Variants in PTPRD observed in about 807,000 individuals in gnomAD.
PTPRD encodes protein tyrosine phosphatase receptor type D.
Under a neutral mutation model 214.5 loss-of-function variants are expected in PTPRD, and 34 were observed. That is an observed-to-expected ratio of 0.16 (90% CI 0.12 to 0.21). The LOEUF (loss-of-function observed/expected upper bound fraction) is 0.21. Ranked by LOEUF, PTPRD falls within the 10% of genes least tolerant of loss-of-function variation. The pLI is 1.00. For missense variants in PTPRD, 2,545 were observed against 2,398.7 expected (o/e 1.06, Z -1.27); for synonymous variants, 1,128 against 845.7 (o/e 1.33, Z -5.79).
chr9:9,467,608 A>AAAAAAAAAAAAAAAC (rs2094297087), intron 8 of PTPRD, among the ~76,000 whole-genome samples: 1 of 149,010 alleles, frequency 6.7e-6, no homozygotes, highest in Non-Finnish European at 1.5e-5. Context: ...AAAAAAAAAA[A>AAAAAAAAAAAAAAAC]AAGTTGAGCA....
chr9:9,922,518 T>C (rs1299991658), intron 5 of PTPRD, among the ~76,000 whole-genome samples: 1 of 152,000 alleles, frequency 6.6e-6, no homozygotes, highest in Non-Finnish European at 1.5e-5. Context: ...AATTTCAGCA[T>C]GAGTAGTTGA....
Position 8,627,867 on chromosome 9 carries a change from C to G in PTPRD, c.352+5450G>C, listed in dbSNP as rs145598283. 2.2e-3 allele frequency among the ~76,000 whole-genome samples: 327 copies of G among 151,964 alleles called. 4 individuals carry two copies. The highest frequency in any genetic ancestry group is 7.7e-3 in the African/African-American group (318 of 41,496). ...TTCTAAAGATTACACCAACGAAAGT[C>G]AGGAGCGTCTGTTCACTTAAAGTGG... is the stretch of plus-strand genomic sequence containing the variant. On this transcript the variant is annotated intron_variant, in intron 14 of 45. Coordinates refer to ENST00000381196, the MANE Select transcript of PTPRD (RefSeq NM_002839.4).
At chr9:8,723,936 A>G (rs1282090376) in intron 12 of PTPRD, among the ~76,000 whole-genome samples, 9 of 152,252 alleles carry the variant, frequency 5.9e-5, no homozygotes, top group Non-Finnish European at 2.9e-5. Context: ...AACTGTAGTT[A>G]CTGTAAATAA....
At chr9:10,273,469 G>C (rs747977144) in intron 3 of PTPRD, among the ~76,000 whole-genome samples, 6 of 152,000 alleles carry the variant, frequency 3.9e-5, no homozygotes, top group African/African-American at 7.2e-5. Flanking sequence ...AAAATTTAAA[G>C]AAAGAAAAAA....
chr9:8,983,805 C>T lies in PTPRD; in HGVS notation c.-104+34892G>A, dbSNP rs912918518. Among the ~76,000 whole-genome samples the T allele has an allele frequency of 2.0e-5, 3 of 152,002 alleles. No homozygotes were observed. In the South Asian group the frequency reaches 6.2e-4, roughly 32 times the overall value. On this transcript the variant is annotated intron_variant, in intron 11 of 45. Transcript: ENST00000381196. ...GCACTGGGATTACAGGCATGAGTGC[C>T]CAGCCAATTTTATATACTTTCTTAA...
At chr9:10,428,904 CA>C (rs995896106) in intron 2 of PTPRD, among the ~76,000 whole-genome samples, 92 of 152,068 alleles carry the variant, frequency 6.0e-4, no homozygotes, top group African/African-American at 2.1e-3. Context: ...TGGCCCTAGA[CA>C]ACTCACTTAA....
intron 10 of PTPRD, among the ~76,000 whole-genome samples, chr9:9,049,339 T>C (rs760768466): frequency 8.5e-5 from 13 of 152,194 alleles, no homozygotes; most frequent in South Asian, 2.1e-4. Context: ...ATAGGTGCTT[T>C]ATAAAAACTG....
chr9:8,553,780 A>G (rs781759375), intron 14 of PTPRD, among the ~76,000 whole-genome samples: 1 of 152,210 alleles, frequency 6.6e-6, no homozygotes, highest in Non-Finnish European at 1.5e-5. Flanking sequence ...CTATTTTAAT[A>G]AGCTATGACC....
At chr9:9,165,051 C>CAAAA (rs35703586) in intron 10 of PTPRD, among the ~76,000 whole-genome samples, 1 of 117,450 alleles carries the variant, frequency 8.5e-6, no homozygotes, top group Non-Finnish European at 1.8e-5. Flanking sequence ...GACTCCATCT[C>CAAAA]AAAAAAAAAA....
rs185142485 is a variant in PTPRD at position 8,574,376 on chromosome 9, A to G, written c.353-45597T>C. On this transcript the variant is annotated intron_variant, in intron 14 of 45. Coordinates refer to ENST00000381196, the MANE Select transcript of PTPRD (RefSeq NM_002839.4). Reference sequence around the variant, plus strand: ...TTATTATAATATTGTCCTCTGATAAAAACATCTGAACATTTTAATTCATGA... The same window carrying G: ...TTATTATAATATTGTCCTCTGATAAGAACATCTGAACATTTTAATTCATGA... Among the ~76,000 whole-genome samples, 20 of 152,084 alleles carry G rather than the reference A, an allele frequency of 1.3e-4. No individual in the cohort carries two copies. In the East Asian group the frequency reaches 3.3e-3, roughly 25 times the overall value.
intron 4 of PTPRD, among the ~76,000 whole-genome samples, chr9:9,975,847 G>A (rs6477433): frequency 0.76 from 116,129 of 152,084 alleles, 44,904 homozygotes; most frequent in Middle Eastern, 0.89. Context: ...TTAAAGTGGG[G>A]ATACTGATAA....
At chr9:9,311,680 C>G (rs1250908362) in intron 9 of PTPRD, among the ~76,000 whole-genome samples, 4 of 152,072 alleles carry the variant, frequency 2.6e-5, no homozygotes, top group African/African-American at 9.7e-5. Flanking sequence ...CTCTGACAAC[C>G]AAATCGTTCC....
chr9:9,760,970 G>C (rs974156277), intron 6 of PTPRD, among the ~76,000 whole-genome samples: 1 of 152,162 alleles, frequency 6.6e-6, no homozygotes, highest in Non-Finnish European at 1.5e-5. Context: ...AAATGGTACA[G>C]CTACACTGAA....
chr9:9,801,254 T>C (rs1260665775), intron 5 of PTPRD, among the ~76,000 whole-genome samples: 1 of 152,014 alleles, frequency 6.6e-6, no homozygotes, highest in Admixed American at 6.6e-5. Context: ...ATATAAGTCC[T>C]CTCTTGACAA....
At chr9:9,202,808 C>T (rs962516049) in intron 9 of PTPRD, among the ~76,000 whole-genome samples, 11 of 152,182 alleles carry the variant, frequency 7.2e-5, no homozygotes, top group African/African-American at 2.4e-4. Context: ...TGCTCTTGAT[C>T]TTTGAAGCTT....
chr9:10,431,986 G>A (rs537939595), intron 2 of PTPRD, among the ~76,000 whole-genome samples: 4,165 of 151,994 alleles, frequency 0.027, 204 homozygotes, highest in African/African-American at 0.096. Context: ...ACATGCACAC[G>A]TATGTTTATT....
rs144087494 is a variant in PTPRD, at chr9:9,250,439, G to T, written c.-202-67076C>A. Among the ~76,000 whole-genome samples the T allele has an allele frequency of 3.6e-3, 555 of 152,200 alleles. 5 individuals are homozygous for T. The highest frequency in any genetic ancestry group is 0.017 in the Middle Eastern group (5 of 294). On this transcript the variant is annotated intron_variant, in intron 9 of 45. Transcript: ENST00000381196. ...AGGCAGCTTGACACAAGCTGTTATA[G>T]TTAGGTGAGACAAGGAATGCAAACC...
intron 7 of PTPRD, among the ~76,000 whole-genome samples, chr9:9,648,446 T>C (rs1258411992): frequency 6.6e-6 from 1 of 152,220 alleles, no homozygotes; most frequent in Non-Finnish European, 1.5e-5. Context: ...TCATTTTATC[T>C]AATGAGGAAG....
chr9:10,341,869 TATTGTTAATATTAC>T lies in PTPRD; in HGVS notation c.-599-866_-599-853del, dbSNP rs1443017127. 2.9e-3 allele frequency among the ~76,000 whole-genome samples: 439 copies of T among 152,134 alleles called. 1 individual carries two copies. Among genetic ancestry groups the T allele is most frequent in the African/African-American group, 0.01 (416 of 41,552 alleles). ...CTCTCCTTTTATGTAGTTCCATATGTATTGTTAATATTACTCAGCATAGAGTGTTAAGCAATCTT... is the reference window on the plus strand; with the variant it reads ...CTCTCCTTTTATGTAGTTCCATATGTTCAGCATAGAGTGTTAAGCAATCTT... On this transcript the variant is annotated intron_variant, in intron 2 of 45. Transcript: ENST00000381196.
Sources: gnomAD v4.1 joint callset for allele counts (sites outside exome capture counted in the v4.1 genomes callset) on GRCh38, gnomAD v4.1.1 for gene constraint, MANE v1.5 for transcripts, NCBI Gene and HGNC (gene_info 2026-07-23, HGNC 2026-07-21) for gene names.